Variants in SEMA6C observed in about 807,000 individuals in gnomAD.
SEMA6C encodes the protein semaphorin 6C, also known as semaphorin-6C.
SEMA6C carries 37 observed loss-of-function variants against 72.9 expected under a neutral mutation model. The observed-to-expected ratio is 0.51, with a 90% CI of 0.39 to 0.67. The LOEUF (loss-of-function observed/expected upper bound fraction) is 0.67, where lower values mean the gene tolerates loss of function less well. Ranked by LOEUF, SEMA6C falls within the 30% of genes least tolerant of loss-of-function variation. The pLI, the probability that SEMA6C is intolerant of heterozygous loss-of-function variation, is 0.00. For missense variants in SEMA6C, 1,189 were observed against 1,263.6 expected, an observed-to-expected ratio of 0.94 and a Z score of 0.89; for synonymous variants, 578 against 554.1, an observed-to-expected ratio of 1.04 and a Z score of -0.61.
intron 7 of SEMA6C, 42 bp downstream of exon 7, chr1:151,138,588 T>C (rs1558185454): frequency 6.3e-7 from 1 of 1,577,888 alleles, no homozygotes; most frequent in Admixed American, 1.7e-5. Flanking sequence ...CATCTTGGGG[T>C]CCCCCCAACT....
chr1:151,142,760 T>TA, intron 2 of SEMA6C, 85 bp from the exon 3 acceptor site: 1 of 647,070 alleles, frequency 1.5e-6, no homozygotes, highest in Non-Finnish European at 2.6e-6. Context: ...TCCTGGTGTA[T>TA]CCCCAGAAGA....
Position 151,146,080 on chromosome 1 carries a change from G to C in SEMA6C, c.-105+353C>G, listed in dbSNP as rs1682912324. The C allele has an allele frequency of 1.3e-5, 2 of 152,140 alleles. No homozygotes were observed. Among genetic ancestry groups the C allele is most frequent in the Admixed American group, 1.3e-4 (2 of 15,276 alleles). 9.4% of individuals were successfully genotyped at this position (152,140 alleles called of 1,614,324 possible). On this transcript the variant is annotated intron_variant, in intron 1 of 18. Transcript: ENST00000368914. This position sits in a 1 kb window ranked among gnomAD's most constrained non-coding sequence, Gnocchi z 4.6. Reference sequence around the variant, plus strand: ...AGGGTCTAGTTCTCCGTGGGTCTCGGAGCCCTAGTTTCCTTGCTGGGAAAG... The same window carrying C: ...AGGGTCTAGTTCTCCGTGGGTCTCGCAGCCCTAGTTTCCTTGCTGGGAAAG...
intron 17 of SEMA6C, 71 bp from the exon 18 acceptor site, chr1:151,134,516 C>G (rs1184072045): frequency 6.2e-7 from 1 of 1,603,112 alleles, no homozygotes; most frequent in Admixed American, 1.7e-5. Flanking sequence ...GGTGACTGTG[C>G]CACAGAAGGA....
rs1379359186 is a variant in SEMA6C at position 151,133,105 on chromosome 1, G to C, written c.2172C>G (p.Asn724Lys). Residue 724 changes from asparagine to lysine, a missense_variant, in exon 19 of 19, where the codon AAC (asparagine) becomes AAG (lysine). Physicochemically the swap from Asn to Lys is moderately conservative, Grantham distance 94 (BLOSUM62 0). This residue lies in a region of SEMA6C where 721 missense variants were observed against 686.2 expected (regional missense o/e 1.05). Coordinates refer to ENST00000368914, the MANE Select transcript of SEMA6C (RefSeq NM_030913.6). This position sits in a 1 kb window ranked among gnomAD's most constrained non-coding sequence, Gnocchi z 5.9. ...AAGDPWEWNQ[N>K]RNNAKEGPGR... ...CCGGACCCTCCTTGGCGTTGTTCCT[G>C]TTCTGGTTCCACTCCCAGGGGTCCC... is the stretch of plus-strand genomic sequence containing the variant. 2 of 1,567,346 alleles carry C rather than the reference G, an allele frequency of 1.3e-6. No homozygotes were observed. Among genetic ancestry groups the C allele is most frequent in the East Asian group, 2.4e-5 (1 of 42,362 alleles).
At chr1:151,143,224 G>C (rs1682703207) in intron 2 of SEMA6C, among the ~76,000 whole-genome samples, 1 of 152,188 alleles carries the variant, frequency 6.6e-6, no homozygotes, top group Non-Finnish European at 1.5e-5. Context: ...GGGGGAGGCA[G>C]CCTAGAGGTC....
chr1:151,144,691 C>T (rs747613675), intron 1 of SEMA6C, among the ~76,000 whole-genome samples: 1 of 152,280 alleles, frequency 6.6e-6, no homozygotes, highest in Middle Eastern at 3.4e-3. Context: ...CTAGCCTTGG[C>T]AAAGGGGGTC....
intron 12 of SEMA6C, 64 bp from the exon 13 acceptor site, chr1:151,136,227 C>T: frequency 6.3e-7 from 1 of 1,590,578 alleles, no homozygotes; most frequent in South Asian, 1.1e-5. Flanking sequence ...AACCTCTGTG[C>T]CCCCTACTGC....
At chr1:151,137,303 G>A (rs1286428394) in intron 10 of SEMA6C, among the ~76,000 whole-genome samples, 3 of 152,108 alleles carry the variant, frequency 2.0e-5, no homozygotes, top group Non-Finnish European at 4.4e-5. Context: ...CAAATTAGCC[G>A]GGCATGGTGG....
In SEMA6C at chr1:151,139,488, G is replaced by A. The variant is rs1273510946; in HGVS notation, c.298-7C>T. The A allele has an allele frequency of 6.2e-7, 1 of 1,613,782 alleles. No individual in the cohort carries two copies. Among genetic ancestry groups the A allele is most frequent in the Non-Finnish European group, 8.5e-7 (1 of 1,179,716 alleles). On this transcript the variant is annotated splice_polypyrimidine_tract_variant and splice_region_variant and intron_variant, in intron 5 of 18. Coordinates refer to ENST00000368914, the MANE Select transcript of SEMA6C (RefSeq NM_030913.6). ...GGCTTCTCCATGTTAGATACTGAAG[G>A]GATAAGTTGAAGAGGGAAAATCATG...
intron 2 of SEMA6C, among the ~76,000 whole-genome samples, chr1:151,143,151 C>A (rs1468350120): frequency 6.6e-6 from 1 of 152,232 alleles, no homozygotes; most frequent in Admixed American, 6.5e-5. Flanking sequence ...GCAGGCACTG[C>A]GCCTAGGCGG....
intron 4 of SEMA6C, 88 bp from the exon 5 acceptor site, chr1:151,139,789 C>G: frequency 7.3e-7 from 1 of 1,361,484 alleles, no homozygotes; most frequent in Non-Finnish European, 1.0e-6. Context: ...ACAGTGCAGA[C>G]CTTCTGGCCC....
chr1:151,136,624 G>A, intron 11 of SEMA6C, 45 bp from the exon 12 acceptor site: 1 of 1,609,332 alleles, frequency 6.2e-7, no homozygotes, highest in South Asian at 1.1e-5. Flanking sequence ...GAAAGGAACT[G>A]CACAACTTCC....
chr1:151,136,432 A>T lies in SEMA6C; in HGVS notation c.1106+16T>A. 2 of 1,609,230 alleles carry T rather than the reference A, an allele frequency of 1.2e-6. No homozygotes were observed. The highest frequency in any genetic ancestry group is 4.5e-5 in the East Asian group (2 of 44,792). On this transcript the variant is annotated intron_variant, in intron 12 of 18. Coordinates refer to ENST00000368914, the MANE Select transcript of SEMA6C (RefSeq NM_030913.6). Reference sequence around the variant, plus strand: ...GCTTGCTTCTGCCCCCACAAAAACAACTCCATCCTGGGTACCTGGGTGAGG... The same window carrying T: ...GCTTGCTTCTGCCCCCACAAAAACATCTCCATCCTGGGTACCTGGGTGAGG...
Position 151,135,174 on chromosome 1 carries a change from C to A in SEMA6C, c.1569G>T (p.Gly523=), listed in dbSNP as rs748137523. The A allele has an allele frequency of 6.2e-7, 1 of 1,613,872 alleles. No individual in the cohort carries two copies. Among genetic ancestry groups the A allele is most frequent in the Non-Finnish European group, 8.5e-7 (1 of 1,179,844 alleles). Residue 523 remains glycine (G), a synonymous_variant, in exon 15 of 19, where the codon GGG becomes GGT. Coordinates refer to ENST00000368914, the MANE Select transcript of SEMA6C (RefSeq NM_030913.6). ...CAGGCCCCTCTCACCTCTGACAGGC[C>A]CCATGCCGGGCACACCGGCTGAGAG... The part of the protein sequence containing the change: ...YLPLSRCARH[G]ACQRSCLASQ...
In SEMA6C at chr1:151,134,809, CCT is replaced by C. The variant is rs1681884959; in HGVS notation, c.1645_1646del (p.Arg549GlyfsTer6). On this transcript the variant is annotated frameshift_variant, in exon 16 of 19. Coordinates refer to ENST00000368914, the MANE Select transcript of SEMA6C (RefSeq NM_030913.6). LOFTEE classifies it high-confidence loss of function. ...GACCCATCACTTACCCACCAGATCC[CCT>C]GATATCCACACAGCCCCTGGAGCTA... ...WHSSRGCVDI[R>X]GSGGTDVDQA... 3.1e-6 allele frequency: 5 copies of C among 1,614,092 alleles called. No individual in the cohort carries two copies. The highest frequency in any genetic ancestry group is 4.2e-6 in the Non-Finnish European group (5 of 1,179,976).
chr1:151,135,820 A>G, intron 13 of SEMA6C, 56 bp from the exon 14 acceptor site: 1 of 1,588,464 alleles, frequency 6.3e-7, no homozygotes, highest in Non-Finnish European at 8.6e-7. Context: ...TGAGCATTTC[A>G]GGGAGAGCCC....
rs1457357426 is a variant in SEMA6C, at chr1:151,132,607, C to A, written c.2670G>T (p.Glu890Asp). ...GKHLLYLGRPEGYRGRALKRV... is the reference protein window; with the variant it reads ...GKHLLYLGRPDGYRGRALKRV... ...TTTTCAGGGCGCGGCCCCGGTAGCC[C>A]TCGGGCCGGCCCAGGTACAGGAGGT... Residue 890 changes from glutamate (E) to aspartate (D), a missense_variant, in exon 19 of 19, where the codon GAG becomes GAT. This residue lies in a region of SEMA6C where 721 missense variants were observed against 686.2 expected (regional missense o/e 1.05). Transcript: ENST00000368914. 2 of 1,551,266 alleles carry A rather than the reference C, an allele frequency of 1.3e-6. No homozygotes were observed. The highest frequency in any genetic ancestry group is 2.4e-5 in the South Asian group (2 of 84,140).
chr1:151,134,270 T>C (rs776593142), intron 18 of SEMA6C, 131 bp downstream of exon 18: 3 of 904,976 alleles, frequency 3.3e-6, no homozygotes, highest in Non-Finnish European at 5.3e-6. Context: ...ACATGCTGGG[T>C]ATCTGGAGGA....
In SEMA6C at chr1:151,135,158, C is replaced by T; in HGVS notation, c.1580+5G>A. The T allele has an allele frequency of 6.2e-7, 1 of 1,613,358 alleles. No individual in the cohort carries two copies. Among genetic ancestry groups the T allele is most frequent in the Non-Finnish European group, 8.5e-7 (1 of 1,179,584 alleles). On this transcript the variant is annotated splice_donor_5th_base_variant and intron_variant, in intron 15 of 18. Coordinates refer to ENST00000368914, the MANE Select transcript of SEMA6C (RefSeq NM_030913.6). ...ACACAGGGCCTGGCCTCAGGCCCCT[C>T]TCACCTCTGACAGGCCCCATGCCGG... is the stretch of plus-strand genomic sequence containing the variant.
Sources: gnomAD v4.1 joint callset for allele counts (sites outside exome capture counted in the v4.1 genomes callset) on GRCh38, gnomAD v4.1.1 for gene constraint, gnomAD v4.1.1 regional missense constraint, Gnocchi (gnomAD v3.1) non-coding constraint, MANE v1.5 for transcripts, NCBI Gene and HGNC (gene_info 2026-07-23, HGNC 2026-07-21) for gene names.